CIB1: variants seen among roughly 807,000 people sequenced by gnomAD.
CIB1 encodes the protein calcium and integrin binding 1, also known as calcium and integrin-binding protein 1.
A neutral mutation model predicts 25.0 loss-of-function variants in CIB1; 19 were observed. That is an observed-to-expected ratio of 0.76 (90% CI 0.53 to 1.12). CIB1 has a LOEUF of 1.12. Among genes scored for constraint, CIB1 ranks in the 50% most tolerant of loss-of-function variants. The probability of loss-of-function intolerance (pLI) is 0.00; values close to 1 mark genes in which losing one functional copy is unlikely to be tolerated. For missense variants in CIB1, 236 were observed against 242.6 expected (o/e 0.97, Z 0.18); for synonymous variants, 104 against 98.5 (o/e 1.06, Z -0.33).
In CIB1 at chr15:90,230,288, C is replaced by T; in HGVS notation, c.*196G>A. 1.6e-6 allele frequency: 1 copy of T among 628,752 alleles called. No homozygotes were observed. The highest frequency in any genetic ancestry group is 2.9e-6 in the Non-Finnish European group (1 of 349,630). 38.9% of individuals were successfully genotyped at this position (628,752 alleles called of 1,614,324 possible). A position where few individuals can be genotyped will look rare whatever the true frequency, so the allele number is the denominator to read the frequency against. ...CCTTTATTACTGATTAGTACAAACA[C>T]AAACGGAGCAATGACAACAGCAGTG... On this transcript the variant is annotated 3_prime_UTR_variant, in exon 7 of 7. Transcript: ENST00000328649.
chr15:90,230,523 G>A lies in CIB1; in HGVS notation c.555-18C>T, dbSNP rs923613809. 14 of 1,551,416 alleles carry A rather than the reference G, an allele frequency of 9.0e-6. No homozygotes were observed. The highest frequency in any genetic ancestry group is 3.9e-5 in the Admixed American group (2 of 50,978). On this transcript the variant is annotated intron_variant, in intron 6 of 6. Coordinates refer to ENST00000328649, the MANE Select transcript of CIB1 (RefSeq NM_006384.4). Reference sequence around the variant, plus strand: ...TAAAGGAGCTGAACAAGAGAAAAGCGGTGGGTTTTCTGCTGGAAGAGGAGG... The same window carrying A: ...TAAAGGAGCTGAACAAGAGAAAAGCAGTGGGTTTTCTGCTGGAAGAGGAGG...
chr15:90,231,325 TG>T, intron 4 of CIB1, 31 bp downstream of exon 4: 1 of 1,610,596 alleles, frequency 6.2e-7, no homozygotes, highest in Non-Finnish European at 8.5e-7. Context: ...TGGGAAGGGG[TG>T]GTGTCCTGCC....
At chr15:90,247,043 T>A in the CIB1 span, among the ~76,000 whole-genome samples, 2 of 151,544 alleles carry the variant, frequency 1.3e-5, no homozygotes, top group African/African-American at 4.8e-5. Context: ...TGGCACGATC[T>A]TGGCTCACTG....
At chr15:90,232,174 G>A in intron 3 of CIB1, 45 bp downstream of exon 3, 2 of 1,474,158 alleles carry the variant, frequency 1.4e-6, no homozygotes, top group Non-Finnish European at 1.9e-6. Context: ...GGTCTAGCAG[G>A]GAGGGAGTGG....
chr15:90,264,494 G>C, the CIB1 span, among the ~76,000 whole-genome samples: 2 of 152,274 alleles, frequency 1.3e-5, no homozygotes, highest in Non-Finnish European at 2.9e-5. Flanking sequence ...CTGTACACTA[G>C]ACCCTGGTGA....
In CIB1 at chr15:90,231,096, T is replaced by C. The variant is rs1962471997; in HGVS notation, c.464A>G (p.Asn155Ser). 6.2e-7 allele frequency: 1 copy of C among 1,613,726 alleles called. No individual in the cohort carries two copies. Among genetic ancestry groups the C allele is most frequent in the African/African-American group, 1.3e-5 (1 of 74,940 alleles). ...TCCCAGGCCTGCTCAGCTGCTCACG[T>C]TGTCGATGAGCTGCTTCATCTCAGA... is the stretch of plus-strand genomic sequence containing the variant. The part of the protein sequence containing the change: ...SASEMKQLID[N>S]ILEESDIDRD... The change falls in exon 5 of 7, where the codon AAC (asparagine) becomes AGC (serine). Residue 155 changes from asparagine (N) to serine (S), a missense_variant and splice_region_variant. Physicochemically the swap from Asn to Ser is conservative, Grantham distance 46. Transcript: ENST00000328649.
the CIB1 span, chr15:90,256,399 C>T: frequency 7.7e-6 from 11 of 1,434,574 alleles, no homozygotes; most frequent in South Asian, 1.3e-4. Flanking sequence ...GGCTTCTACC[C>T]TTCCCACTAG....
upstream of CIB1, among the ~76,000 whole-genome samples, chr15:90,237,240 T>G (rs1312898096): frequency 1.3e-5 from 2 of 151,234 alleles, no homozygotes; most frequent in Non-Finnish European, 2.9e-5. Flanking sequence ...ATTACAGGCG[T>G]GAGCCACCGT....
At chr15:90,249,399 C>A in the CIB1 span, 1 of 152,200 alleles carries the variant, frequency 6.6e-6, no homozygotes. Flanking sequence ...GCGTCGAGGC[C>A]GGCCAGCTCC....
the CIB1 span, chr15:90,262,043 G>A: frequency 1.3e-6 from 2 of 1,535,702 alleles, no homozygotes; most frequent in Non-Finnish European, 1.7e-6. Flanking sequence ...GGCAATGCTG[G>A]ACCAGGAACG....
the CIB1 span, among the ~76,000 whole-genome samples, chr15:90,254,188 G>GTTGTTGTT: frequency 1.2e-4 from 13 of 104,038 alleles, no homozygotes; most frequent in East Asian, 3.8e-3. Flanking sequence ...GTGAGACCCT[G>GTTGTTGTT]TTTTTTTTTT....
At chr15:90,259,058 T>C in the CIB1 span, 1 of 1,505,230 alleles carries the variant, frequency 6.6e-7, no homozygotes, top group Non-Finnish European at 8.9e-7. Context: ...AATATGTTCA[T>C]ATTTGCATTA....
upstream of CIB1, among the ~76,000 whole-genome samples, chr15:90,237,031 T>C (rs908214472): frequency 6.6e-6 from 1 of 152,124 alleles, no homozygotes; most frequent in African/African-American, 2.4e-5. Context: ...CGATCTTAGC[T>C]CACTGCAACC....
At chr15:90,263,778 G>T in the CIB1 span, 1 of 701,828 alleles carries the variant, frequency 1.4e-6, no homozygotes, top group South Asian at 1.5e-5. Context: ...GTCAAGAACT[G>T]AAATCTATGA....
the CIB1 span, chr15:90,258,646 G>T: frequency 1.9e-6 from 2 of 1,065,888 alleles, no homozygotes; most frequent in Admixed American, 3.7e-5. Flanking sequence ...GAGGCCATGG[G>T]AGAGGAATAT....
the CIB1 span, among the ~76,000 whole-genome samples, chr15:90,239,087 G>C: frequency 6.6e-6 from 1 of 152,126 alleles, no homozygotes; most frequent in African/African-American, 2.4e-5. Flanking sequence ...GTGTATAATA[G>C]AATGAAACTA....
Position 90,230,418 on chromosome 15 carries a change from C to G in CIB1, c.*66G>C. 1 of 1,540,872 alleles carries G rather than the reference C, an allele frequency of 6.5e-7. No individual in the cohort carries two copies. Among genetic ancestry groups the G allele is most frequent in the Non-Finnish European group, 8.8e-7 (1 of 1,138,376 alleles). ...CCCGCACTGGCAACACAGGCTTGAC[C>G]TTGGCCACAGCTCAGCAGTAGAAAG... On this transcript the variant is annotated 3_prime_UTR_variant, in exon 7 of 7. Coordinates refer to ENST00000328649, the MANE Select transcript of CIB1 (RefSeq NM_006384.4).
the CIB1 span, among the ~76,000 whole-genome samples, chr15:90,260,409 A>T: frequency 6.6e-6 from 1 of 152,184 alleles, no homozygotes; most frequent in African/African-American, 2.4e-5. Context: ...AGGTGAGAGG[A>T]TGGCTTCAGC....
the CIB1 span, among the ~76,000 whole-genome samples, chr15:90,256,951 G>A: frequency 2.6e-5 from 4 of 152,240 alleles, no homozygotes; most frequent in Middle Eastern, 3.4e-3. Flanking sequence ...CTCTCAAAGC[G>A]CTGGGATTAC....
Sources: gnomAD v4.1 joint callset for allele counts (sites outside exome capture counted in the v4.1 genomes callset) on GRCh38, gnomAD v4.1.1 for gene constraint, MANE v1.5 for transcripts, NCBI Gene and HGNC (gene_info 2026-07-23, HGNC 2026-07-21) for gene names.